Variants in MAX observed in about 807,000 individuals in gnomAD.
MAX encodes MYC associated transcriptional regulator X.
A neutral mutation model predicts 22.3 loss-of-function variants in MAX; 3 were observed. The ratio of observed to expected loss-of-function variants is 0.13; its 90% CI spans 0.06 to 0.35. The LOEUF (loss-of-function observed/expected upper bound fraction) is 0.35, where lower values mean the gene tolerates loss of function less well. Among genes scored for constraint, MAX ranks in the 10% least tolerant of loss-of-function variants. The pLI is 1.00. For missense variants in MAX, 119 were observed against 209.4 expected, an observed-to-expected ratio of 0.57 and a Z score of 2.66; for synonymous variants, 72 against 77.7, an observed-to-expected ratio of 0.93 and a Z score of 0.39.
rs1188612224 is a variant in MAX at position 65,009,551 on chromosome 14, C to T, written c.172-3267G>A. Among the ~76,000 whole-genome samples, 3 of 152,122 alleles carry T rather than the reference C, an allele frequency of 2.0e-5. No individual in the cohort carries two copies. The East Asian group carries it at 5.8e-4, about 29-fold the overall frequency. ...AGCTTCGTACCCATCATTTCTCGCT[C>T]AAAGAATGCAGCATCCTTCCTTATT... is the stretch of plus-strand genomic sequence containing the variant. On this transcript the variant is annotated intron_variant, in intron 3 of 3. Transcript: ENST00000341653. This position sits in a 1 kb window ranked among gnomAD's most constrained non-coding sequence, Gnocchi z 4.2.
intron 2 of MAX, among the ~76,000 whole-genome samples, chr14:65,098,816 A>T (rs2063742780): frequency 6.6e-6 from 1 of 152,190 alleles, no homozygotes; most frequent in African/African-American, 2.4e-5. Flanking sequence ...ATATTTGCCA[A>T]ATCAGTTTCA....
intron 3 of MAX, among the ~76,000 whole-genome samples, chr14:65,026,291 G>A (rs1171817491): frequency 1.3e-5 from 2 of 152,228 alleles, no homozygotes; most frequent in Non-Finnish European, 2.9e-5. Context: ...CCGGACTGAT[G>A]ATAGGGCTCT....
At chr14:65,045,534 G>T (rs2062458929) in intron 3 of MAX, among the ~76,000 whole-genome samples, 1 of 151,586 alleles carries the variant, frequency 6.6e-6, no homozygotes, top group African/African-American at 2.4e-5. Flanking sequence ...TCCTGCCTCA[G>T]CCTCCTGAGT....
intron 2 of MAX, among the ~76,000 whole-genome samples, chr14:65,098,521 A>T (rs973400899): frequency 3.9e-5 from 6 of 152,256 alleles, no homozygotes; most frequent in Non-Finnish European, 8.8e-5. Flanking sequence ...TTCCTGACCA[A>T]CACACTAACC....
rs1046760743 is a variant in MAX at position 65,062,348 on chromosome 14, A to T, written c.171+31360T>A. The T allele has an allele frequency of 1.3e-5, 2 of 152,378 alleles. No homozygotes were observed. Among genetic ancestry groups the T allele is most frequent in the African/African-American group, 2.4e-5 (1 of 41,462 alleles). The allele number at this position is 152,378 out of a possible 1,614,324, so 9.4% of individuals were successfully genotyped here. On this transcript the variant is annotated intron_variant, in intron 3 of 3. Transcript: ENST00000341653. This position sits in a 1 kb window ranked among gnomAD's most constrained non-coding sequence, Gnocchi z 4.3. The stretch of plus-strand genomic sequence containing the variant: ...GTGCTAGACACACTGGCTGCTACTA[A>T]GGCACTAGCCTCTGTAGCTGGTGGT...
intron 3 of MAX, among the ~76,000 whole-genome samples, chr14:65,021,691 G>C (rs991916605): frequency 6.6e-6 from 1 of 152,146 alleles, no homozygotes; most frequent in African/African-American, 2.4e-5. Flanking sequence ...TGTCCCCCAG[G>C]CTGGAGGGCA....
intron 3 of MAX, chr14:65,061,269 A>T: frequency 6.2e-7 from 1 of 1,614,138 alleles, no homozygotes. Flanking sequence ...CCAGGTTTTG[A>T]GGAGCTTAAG....
intron 3 of MAX, among the ~76,000 whole-genome samples, chr14:65,043,208 C>T (rs1201302981): frequency 6.6e-6 from 1 of 152,176 alleles, no homozygotes; most frequent in Non-Finnish European, 1.5e-5. Flanking sequence ...ATCTGCTCAG[C>T]CAGTTGGTTC....
Position 65,075,411 on chromosome 14 carries a change from T to C in MAX, c.*1065A>G, listed in dbSNP as rs534319833. The C allele has an allele frequency of 2.4e-5, 25 of 1,062,810 alleles. No homozygotes were observed. In the African/African-American group the frequency reaches 3.8e-4, roughly 16 times the overall value. The allele number at this position is 1,062,810 out of a possible 1,614,324, so 65.8% of individuals were successfully genotyped here. On this transcript the variant is annotated 3_prime_UTR_variant, in exon 5 of 5. Transcript: ENST00000358664. This position sits in a 1 kb window ranked among gnomAD's most constrained non-coding sequence, Gnocchi z 4.1. ...ACAATGGAGACAGGTTCCAGGACAG[T>C]AGGAAAGGAAGTGGGATGAGGGCTG...
In MAX at chr14:65,079,311, G is replaced by C. The variant is rs763516124; in HGVS notation, c.172-1275C>G. Among the ~76,000 whole-genome samples, 12 of 152,208 alleles carry C rather than the reference G, an allele frequency of 7.9e-5. No individual in the cohort carries two copies. The highest frequency in any genetic ancestry group is 1.0e-4 in the Non-Finnish European group (7 of 68,038). ...CTTGATGTCAACACAGGAAGAGCAT[G>C]AGATTGGGCCATTTCAGGAAACAAC... On this transcript the variant is annotated intron_variant, in intron 3 of 4. Coordinates refer to ENST00000358664, the MANE Select transcript of MAX (RefSeq NM_002382.5). The surrounding 1 kb of genome is among the most constrained non-coding windows in gnomAD (Gnocchi z 4.5).
At chr14:65,095,502 G>A (rs556622152) in intron 2 of MAX, among the ~76,000 whole-genome samples, 68 of 152,302 alleles carry the variant, frequency 4.5e-4, no homozygotes, top group Non-Finnish European at 6.8e-4. Flanking sequence ...GAAATAGTGC[G>A]ACAGAATTGA....
At position 65,078,534 on chromosome 14, in the gene MAX, T is replaced by G. The variant is rs1453721096; in HGVS notation, c.172-498A>C. 7.0e-6 allele frequency among the ~76,000 whole-genome samples: 1 copy of G among 142,408 alleles called. No individual in the cohort carries two copies. Among genetic ancestry groups the G allele is most frequent in the Non-Finnish European group, 1.5e-5 (1 of 64,878 alleles). The allele number at this position is 142,408 out of a possible 152,430, so 93.4% of individuals were successfully genotyped here. A position where few individuals can be genotyped will look rare whatever the true frequency, so the allele number is the denominator to read the frequency against. On this transcript the variant is annotated intron_variant, in intron 3 of 4. Transcript: ENST00000358664. The surrounding 1 kb of genome is among the most constrained non-coding windows in gnomAD (Gnocchi z 6.4). ...CCTGTTGTTGTTGTTGTTGTTGTTGTTTTTTTTTTTTTGGAGACGTAGTCT... is the reference window on the plus strand; with the variant it reads ...CCTGTTGTTGTTGTTGTTGTTGTTGGTTTTTTTTTTTTGGAGACGTAGTCT...
intron 3 of MAX, chr14:65,015,782 T>G: frequency 6.4e-7 from 1 of 1,567,574 alleles, no homozygotes; most frequent in Non-Finnish European, 8.8e-7. Flanking sequence ...GGATTTTGTT[T>G]TGTTTCTGTT....
Position 65,043,678 on chromosome 14 carries a change from C to T in MAX, c.172-37394G>A, listed in dbSNP as rs544607573. 9.3e-5 allele frequency among the ~76,000 whole-genome samples: 14 copies of T among 150,756 alleles called. No homozygotes were observed. In the South Asian group the frequency reaches 1.1e-3, roughly 11 times the overall value. Reference sequence around the variant, plus strand: ...TCTACTAAAAATACAAAAAATTAGCCGGGCGCGGTGGCGGGCGCCTGTGGT... The same window carrying T: ...TCTACTAAAAATACAAAAAATTAGCTGGGCGCGGTGGCGGGCGCCTGTGGT... On this transcript the variant is annotated intron_variant, in intron 3 of 3. Coordinates refer to the MAX transcript ENST00000341653.
rs1443334126 is a variant in MAX, at chr14:65,075,469, C to G, written c.*1007G>C. Reference sequence around the variant, plus strand: ...TCCGCACTGGGGTGCGGGTTTAGTACCAGGTAAATTGCTCTTGGTATTTAC... The same window carrying G: ...TCCGCACTGGGGTGCGGGTTTAGTAGCAGGTAAATTGCTCTTGGTATTTAC... On this transcript the variant is annotated 3_prime_UTR_variant, in exon 5 of 5. Transcript: ENST00000358664. This position sits in a 1 kb window ranked among gnomAD's most constrained non-coding sequence, Gnocchi z 4.1. 1 of 1,064,228 alleles carries G rather than the reference C, an allele frequency of 9.4e-7. No homozygotes were observed. The allele number at this position is 1,064,228 out of a possible 1,614,324, so 65.9% of individuals were successfully genotyped here. A position where few individuals can be genotyped will look rare whatever the true frequency, so the allele number is the denominator to read the frequency against.
chr14:65,029,711 G>T lies in MAX; in HGVS notation c.172-23427C>A, dbSNP rs1449992281. 6.8e-6 allele frequency among the ~76,000 whole-genome samples: 1 copy of T among 146,448 alleles called. No homozygotes were observed. The highest frequency in any genetic ancestry group is 2.0e-4 in the East Asian group (1 of 4,888). On this transcript the variant is annotated intron_variant, in intron 3 of 3. Coordinates refer to the MAX transcript ENST00000341653. The surrounding 1 kb of genome is among the most constrained non-coding windows in gnomAD (Gnocchi z 4.7). ...CAAGTTCAGTGTTGAAGTGTAGATG[G>T]CCTGGTGGGCAGGGGAGCAGTGGAG...
At chr14:65,057,431 C>G (rs1480944087) in intron 3 of MAX, among the ~76,000 whole-genome samples, 1 of 152,058 alleles carries the variant, frequency 6.6e-6, no homozygotes, top group Non-Finnish European at 1.5e-5. Flanking sequence ...GCACCCCTTC[C>G]CCACAAAAAT....
chr14:65,024,215 A>G (rs2061939429), intron 3 of MAX, among the ~76,000 whole-genome samples: 1 of 152,206 alleles, frequency 6.6e-6, no homozygotes, highest in South Asian at 2.1e-4. Flanking sequence ...AGAAGCACTG[A>G]TACCTGGCTG....
At chr14:65,061,102 C>A in intron 3 of MAX, 1 of 1,565,464 alleles carries the variant, frequency 6.4e-7, no homozygotes, top group Non-Finnish European at 8.7e-7. Flanking sequence ...CTTAGAAGTG[C>A]CTTTCATGGA....
Sources: allele counts gnomAD v4.1 joint callset (sites outside exome capture counted in the v4.1 genomes callset), GRCh38; gene constraint gnomAD v4.1.1; non-coding constraint Gnocchi (gnomAD v3.1); transcripts MANE v1.5; gene names NCBI Gene and HGNC (gene_info 2026-07-23, HGNC 2026-07-21).